CDH13: variants seen among roughly 807,000 people sequenced by gnomAD.
CDH13 encodes cadherin-13.
CDH13 carries 24 observed loss-of-function variants against 63.8 expected under a neutral mutation model. That is an observed-to-expected ratio of 0.38 (90% CI 0.27 to 0.53). The LOEUF is 0.53. Among genes scored for constraint, CDH13 ranks in the 20% least tolerant of loss-of-function variants. The pLI is 0.85. For missense variants in CDH13, 1,049 were observed against 903.1 expected (o/e 1.16, Z -2.07); for synonymous variants, 503 against 355.3 (o/e 1.42, Z -4.67).
chr16:83,714,625 T>G (rs72797285), intron 10 of CDH13, among the ~76,000 whole-genome samples: 15,846 of 152,266 alleles, frequency 0.1, 1,056 homozygotes, highest in Non-Finnish European at 0.15. Flanking sequence ...TTTCAAAACA[T>G]TGTCTATAGA....
At chr16:83,527,529 G>C (rs2074992654) in intron 7 of CDH13, among the ~76,000 whole-genome samples, 1 of 152,178 alleles carries the variant, frequency 6.6e-6, no homozygotes, top group African/African-American at 2.4e-5. Flanking sequence ...AGCACAGGGA[G>C]AGAAAAACTA....
intron 5 of CDH13, among the ~76,000 whole-genome samples, chr16:83,300,937 C>A (rs1246087763): frequency 6.6e-6 from 1 of 151,308 alleles, no homozygotes; most frequent in African/African-American, 2.4e-5. Flanking sequence ...ATTTCCTCTT[C>A]ACCAAGTGGC....
intron 2 of CDH13, among the ~76,000 whole-genome samples, chr16:82,984,398 A>G (rs925352573): frequency 3.9e-5 from 6 of 152,202 alleles, no homozygotes; most frequent in Non-Finnish European, 5.9e-5. Flanking sequence ...GGCAGGAATG[A>G]GTTTAAATTC....
rs1284215655 is a variant in CDH13 at position 82,989,849 on chromosome 16, G to A, written c.158-42161G>A. On this transcript the variant is annotated intron_variant, in intron 2 of 13. Transcript: ENST00000567109. The stretch of plus-strand genomic sequence containing the variant: ...AATCCCTTTGTTTCTTAATGAAGCT[G>A]CCCTTGTTAAAATCCCTGGGACCTA... Among the ~76,000 whole-genome samples, 3 of 152,124 alleles carry A rather than the reference G, an allele frequency of 2.0e-5. 1 individual carries two copies. The highest frequency in any genetic ancestry group is 7.2e-5 in the African/African-American group (3 of 41,440).
intron 7 of CDH13, among the ~76,000 whole-genome samples, chr16:83,580,095 G>C (rs1401043016): frequency 2.0e-5 from 3 of 152,130 alleles, no homozygotes; most frequent in Non-Finnish European, 4.4e-5. Flanking sequence ...TGCAGGCAGA[G>C]GGGGACAGAT....
Position 83,783,428 on chromosome 16 carries a change from T to G in CDH13, c.2090T>G (p.Phe697Cys). 2 of 1,614,004 alleles carry G rather than the reference T, an allele frequency of 1.2e-6. No homozygotes were observed. The highest frequency in any genetic ancestry group is 1.7e-6 in the Non-Finnish European group (2 of 1,179,856). The change falls in exon 13 of 14, where the codon TTC (phenylalanine) becomes TGC (cysteine). Residue 697 changes from phenylalanine to cysteine, a missense_variant. Coordinates refer to ENST00000567109, the MANE Select transcript of CDH13 (RefSeq NM_001257.5). ...TGCAACGCGGCAGGGGCCCTGCGCTTCAGCCTGCCCTCAGTCCTGCTCCTC... is the reference window on the plus strand; with the variant it reads ...TGCAACGCGGCAGGGGCCCTGCGCTGCAGCCTGCCCTCAGTCCTGCTCCTC... ...VDCNAAGALR[F>C]SLPSVLLLSL...
intron 1 of CDH13, among the ~76,000 whole-genome samples, chr16:82,656,465 C>A (rs1384275228): frequency 6.6e-6 from 1 of 152,094 alleles, no homozygotes; most frequent in South Asian, 2.1e-4. Context: ...GTGGAAGGTA[C>A]AGAAGTTTCC....
chr16:82,993,938 C>A (rs749943510), intron 2 of CDH13, among the ~76,000 whole-genome samples: 9 of 152,126 alleles, frequency 5.9e-5, no homozygotes, highest in African/African-American at 9.7e-5. Context: ...CACTCCCCCT[C>A]CGTTGTTACC....
chr16:83,102,548 A>C (rs1014279527), intron 3 of CDH13, among the ~76,000 whole-genome samples: 1 of 152,128 alleles, frequency 6.6e-6, no homozygotes, highest in Non-Finnish European at 1.5e-5. Flanking sequence ...GAACAAGGAC[A>C]CTGGCTTCAC....
chr16:83,031,928 C>T, intron 2 of CDH13, 82 bp from the exon 3 acceptor site: 2 of 1,098,956 alleles, frequency 1.8e-6, no homozygotes, highest in Non-Finnish European at 2.7e-6. Flanking sequence ...TGTGGTAATT[C>T]ACACTTAATA....
chr16:82,999,883 C>A (rs1227793228), intron 2 of CDH13, among the ~76,000 whole-genome samples: 1 of 152,086 alleles, frequency 6.6e-6, no homozygotes, highest in Non-Finnish European at 1.5e-5. Flanking sequence ...AGCTCTAAAC[C>A]CGGGACAATT....
intron 1 of CDH13, among the ~76,000 whole-genome samples, chr16:82,822,051 A>G (rs983994937): frequency 2.6e-5 from 4 of 151,990 alleles, no homozygotes; most frequent in Non-Finnish European, 5.9e-5. Context: ...TACAGGATAG[A>G]CCCTGCTCCA....
intron 10 of CDH13, among the ~76,000 whole-genome samples, chr16:83,684,183 A>G (rs1358837496): frequency 2.6e-5 from 4 of 152,136 alleles, no homozygotes; most frequent in African/African-American, 4.8e-5. Flanking sequence ...CCTGGCCAAC[A>G]TGACGAAACG....
At position 83,500,306 on chromosome 16, in the gene CDH13, C is replaced by CT. The variant is rs1598162676; in HGVS notation, c.960+13652dup. ...TCTTCTTCTTCTTCTCCTTCTCCTTCTCCTTCTCCTTCTCCTCCTCCTCCT... is the reference window on the plus strand; with the variant it reads ...TCTTCTTCTTCTTCTCCTTCTCCTTCTTCCTTCTCCTTCTCCTCCTCCTCCT... On this transcript the variant is annotated intron_variant, in intron 7 of 13. Transcript: ENST00000567109. Among the ~76,000 whole-genome samples the CT allele has an allele frequency of 3.1e-3, 2 of 650 alleles. 1 individual carries two copies. Among genetic ancestry groups the CT allele is most frequent in the South Asian group, 0.5 (2 of 4 alleles). The allele number at this position is 650 out of a possible 152,430, so 0.4% of individuals were successfully genotyped here. A position where few individuals can be genotyped will look rare whatever the true frequency, so the allele number is the denominator to read the frequency against.
intron 6 of CDH13, among the ~76,000 whole-genome samples, chr16:83,485,033 C>A (rs1364230313): frequency 6.6e-6 from 1 of 152,162 alleles, no homozygotes; most frequent in Non-Finnish European, 1.5e-5. Context: ...CTCAACCTAA[C>A]ATTTTTACTA....
rs983881246 is a variant in CDH13, at chr16:83,779,484, C to CA, written c.1682-477dup. On this transcript the variant is annotated intron_variant, in intron 11 of 13. Transcript: ENST00000567109. ...CTTTGTAAACCACTAAACTTTATACCAAAAAAATCTATTATTGTTAGTCTT... is the reference window on the plus strand; with the variant it reads ...CTTTGTAAACCACTAAACTTTATACCAAAAAAAATCTATTATTGTTAGTCTT... Among the ~76,000 whole-genome samples, 9 of 124,378 alleles carry CA rather than the reference C, an allele frequency of 7.2e-5. No homozygotes were observed. In the South Asian group the frequency reaches 1.1e-3, roughly 15 times the overall value. The allele number at this position is 124,378 out of a possible 152,430, so 81.6% of individuals were successfully genotyped here.
chr16:82,725,909 G>A (rs891748757), intron 1 of CDH13, among the ~76,000 whole-genome samples: 1 of 152,128 alleles, frequency 6.6e-6, no homozygotes, highest in Non-Finnish European at 1.5e-5. Flanking sequence ...AAGGCCTGAG[G>A]TTATGTGGCA....
At chr16:82,713,440 C>G (rs1471088868) in intron 1 of CDH13, among the ~76,000 whole-genome samples, 3 of 152,160 alleles carry the variant, frequency 2.0e-5, no homozygotes, top group Middle Eastern at 3.4e-3. Flanking sequence ...GTATGCGTCC[C>G]CCTGAAACCC....
intron 1 of CDH13, among the ~76,000 whole-genome samples, chr16:82,638,334 G>C (rs1428728077): frequency 6.6e-6 from 1 of 152,158 alleles, no homozygotes; most frequent in Non-Finnish European, 1.5e-5. Flanking sequence ...TTAGAAGTGA[G>C]CTTGAATCCC....
Sources: allele counts gnomAD v4.1 joint callset (sites outside exome capture counted in the v4.1 genomes callset), GRCh38; gene constraint gnomAD v4.1.1; transcripts MANE v1.5; gene names NCBI Gene and HGNC (gene_info 2026-07-23, HGNC 2026-07-21).